The following IL2RB variants were observed in gnomAD, a reference collection of about 807,000 sequenced individuals.
IL2RB encodes interleukin-2 receptor subunit beta.
IL2RB carries 17 observed loss-of-function variants against 44.2 expected under a neutral mutation model. That is an observed-to-expected ratio of 0.38 (90% CI 0.26 to 0.58). The LOEUF (loss-of-function observed/expected upper bound fraction) is 0.58. IL2RB is among the 20% of genes least tolerant of loss of function. The pLI, the probability that IL2RB is intolerant of heterozygous loss-of-function variation, is 0.63. For synonymous variants in IL2RB, 286 were observed against 297.9 expected (o/e 0.96, Z 0.41); for missense variants, 624 against 685.5 (o/e 0.91, Z 1.00).
Position 37,132,463 on chromosome 22 carries a change from T to G in IL2RB, c.824A>C (p.Lys275Thr). Residue 275 changes from lysine to threonine, a missense_variant, in exon 9 of 10, where the codon AAG becomes ACG. Transcript: ENST00000216223. ...INCRNTGPWL[K>T]KVLKCNTPDP... Reference sequence around the variant, plus strand: ...TGGGGTGTTACACTTCAGGACCTTCTTCAGCCTGGACAGAGGAGAGGAGGG... The same window carrying G: ...TGGGGTGTTACACTTCAGGACCTTCGTCAGCCTGGACAGAGGAGAGGAGGG... 1 of 1,613,696 alleles carries G rather than the reference T, an allele frequency of 6.2e-7. No homozygotes were observed. The highest frequency in any genetic ancestry group is 8.5e-7 in the Non-Finnish European group (1 of 1,179,694).
At chr22:37,154,390 G>A (rs192691737), upstream of IL2RB, among the ~76,000 whole-genome samples, 24 of 152,232 alleles carry the variant, frequency 1.6e-4, no homozygotes, top group African/African-American at 5.5e-4. Flanking sequence ...AGGCCATGGC[G>A]TGCACCCTCC....
chr22:37,153,017 C>T (rs1364149556), upstream of IL2RB, among the ~76,000 whole-genome samples: 1 of 150,148 alleles, frequency 6.7e-6, no homozygotes, highest in Admixed American at 6.6e-5. Context: ...TCACTGCAAC[C>T]TCTGCCCACA....
intron 1 of IL2RB, among the ~76,000 whole-genome samples, chr22:37,145,231 C>T (rs1165715831): frequency 6.6e-6 from 1 of 152,180 alleles, no homozygotes; most frequent in East Asian, 1.9e-4. Flanking sequence ...GTAGCCTTTA[C>T]GGAGGACCTT....
chr22:37,138,508 G>A (rs1006435012), intron 5 of IL2RB, among the ~76,000 whole-genome samples: 4 of 152,182 alleles, frequency 2.6e-5, no homozygotes, highest in Admixed American at 6.5e-5. Context: ...AGGTCAGCAG[G>A]CAGTCGCTCA....
chr22:37,153,784 C>T (rs1044545370), upstream of IL2RB, among the ~76,000 whole-genome samples: 1 of 152,112 alleles, frequency 6.6e-6, no homozygotes, highest in Non-Finnish European at 1.5e-5. Flanking sequence ...ATATTTCCTG[C>T]CCCCAAATAA....
At chr22:37,142,060 A>ACACTG (rs1921994164) in intron 4 of IL2RB, among the ~76,000 whole-genome samples, 1 of 152,096 alleles carries the variant, frequency 6.6e-6, no homozygotes, top group Non-Finnish European at 1.5e-5. Context: ...TTCACCCCCC[A>ACACTG]CACTGCACTG....
At chr22:37,171,618 G>A (rs1923288180) in intron 1 of IL2RB, among the ~76,000 whole-genome samples, 1 of 152,138 alleles carries the variant, frequency 6.6e-6, no homozygotes, top group Non-Finnish European at 1.5e-5. Flanking sequence ...ACTGGAGGAA[G>A]GATGAAAACT....
intron 5 of IL2RB, among the ~76,000 whole-genome samples, chr22:37,137,998 T>G (rs1166481380): frequency 6.6e-6 from 1 of 152,124 alleles, no homozygotes; most frequent in Non-Finnish European, 1.5e-5. Flanking sequence ...ACCTACGAAA[T>G]ATATGGTTTG....
rs1454361392 is a variant in IL2RB at position 37,128,243 on chromosome 22, A to G, written c.1509T>C (p.Ala503=). 6.7e-7 allele frequency: 1 copy of G among 1,502,644 alleles called. No individual in the cohort carries two copies. Among genetic ancestry groups the G allele is most frequent in the Non-Finnish European group, 8.9e-7 (1 of 1,127,024 alleles). The allele number at this position is 1,502,644 out of a possible 1,614,324, so 93.1% of individuals were successfully genotyped here. ...GGAAACTGACTCCCTCCCTGGGGCC[A>G]GCGTCAGGGACCTCCTCCCCAGCCT... ...LREAGEEVPD[A]GPREGVSFPW... Residue 503 remains alanine (A), a synonymous_variant, in exon 10 of 10, where the codon GCT becomes GCC. Transcript: ENST00000216223. This position sits in a 1 kb window ranked among gnomAD's most constrained non-coding sequence, Gnocchi z 4.5.
At chr22:37,138,907 G>A (rs228960) in intron 5 of IL2RB, among the ~76,000 whole-genome samples, 73,993 of 151,886 alleles carry the variant, frequency 0.49, 18,827 homozygotes, top group African/African-American at 0.63. Flanking sequence ...GAGGAGTGCC[G>A]GGGAGGAGGC....
intron 1 of IL2RB, among the ~76,000 whole-genome samples, chr22:37,164,110 G>A (rs1227850713): frequency 6.6e-6 from 1 of 152,208 alleles, no homozygotes; most frequent in Non-Finnish European, 1.5e-5. Flanking sequence ...GAGGCGGCCT[G>A]CAGAGCAGAG....
intron 1 of IL2RB, among the ~76,000 whole-genome samples, chr22:37,160,533 T>G (rs1922821528): frequency 1.3e-5 from 2 of 152,160 alleles, no homozygotes; most frequent in African/African-American, 4.8e-5. Flanking sequence ...CAGATGGAGA[T>G]GTCTGCACCA....
intron 1 of IL2RB, among the ~76,000 whole-genome samples, chr22:37,167,578 C>G (rs74606831): frequency 0.024 from 3,609 of 152,280 alleles, 157 homozygotes; most frequent in African/African-American, 0.083. Flanking sequence ...TCTTCCCTGC[C>G]TCGAGCCCCT....
At position 37,165,006 on chromosome 22, in the gene IL2RB, G is replaced by A. The variant is rs146223756; in HGVS notation, c.-34+9952C>T. Reference sequence around the variant, plus strand: ...GAGCCAGAATCTGTATTTTCACCACGTCCCCAAGCAACTCGAGTGTGCACA... The same window carrying A: ...GAGCCAGAATCTGTATTTTCACCACATCCCCAAGCAACTCGAGTGTGCACA... On this transcript the variant is annotated intron_variant, in intron 1 of 5. Coordinates refer to the IL2RB transcript ENST00000429622. 1.7e-3 allele frequency among the ~76,000 whole-genome samples: 253 copies of A among 151,778 alleles called. 1 individual carries two copies. Among genetic ancestry groups the A allele is most frequent in the Admixed American group, 3.6e-3 (55 of 15,218 alleles).
upstream of IL2RB, among the ~76,000 whole-genome samples, chr22:37,150,646 CCT>C (rs1922450445): frequency 6.6e-6 from 1 of 151,994 alleles, no homozygotes; most frequent in Non-Finnish European, 1.5e-5. Flanking sequence ...CTAAAGTCAC[CCT>C]GTTATGCTAT....
upstream of IL2RB, among the ~76,000 whole-genome samples, chr22:37,152,897 T>A (rs1023687032): frequency 2.6e-5 from 4 of 151,050 alleles, no homozygotes; most frequent in Non-Finnish European, 5.9e-5. Flanking sequence ...TGATTCCCTG[T>A]TTCAGAGGGG....
intron 7 of IL2RB, among the ~76,000 whole-genome samples, chr22:37,135,898 C>T (rs942423957): frequency 1.8e-4 from 28 of 152,220 alleles, no homozygotes; most frequent in Non-Finnish European, 3.7e-4. Flanking sequence ...CTCTGCCTCA[C>T]GGTCACTGTA....
At chr22:37,167,314 C>A (rs1458040677) in intron 1 of IL2RB, among the ~76,000 whole-genome samples, 1 of 152,170 alleles carries the variant, frequency 6.6e-6, no homozygotes, top group East Asian at 1.9e-4. Flanking sequence ...CCTCTACCCC[C>A]AGCCCCAGCC....
At chr22:37,143,062 G>A (rs1270917105) in intron 3 of IL2RB, among the ~76,000 whole-genome samples, 16 of 152,078 alleles carry the variant, frequency 1.1e-4, no homozygotes, top group African/African-American at 3.6e-4. Context: ...TTACATCACA[G>A]TGACATCTCT....
Sources: gnomAD v4.1 joint callset for allele counts (sites outside exome capture counted in the v4.1 genomes callset) on GRCh38, gnomAD v4.1.1 for gene constraint, Gnocchi (gnomAD v3.1) non-coding constraint, MANE v1.5 for transcripts, NCBI Gene and HGNC (gene_info 2026-07-23, HGNC 2026-07-21) for gene names.